The following FAM178B variants were observed in gnomAD, a reference collection of about 807,000 sequenced individuals.
FAM178B encodes the protein family with sequence similarity 178 member B, also known as protein FAM178B.
In FAM178B, 82 loss-of-function variants were observed where a neutral mutation model predicts 91.7. That is an observed-to-expected ratio of 0.89 (90% confidence interval 0.75 to 1.07). The LOEUF (loss-of-function observed/expected upper bound fraction) is 1.07, where lower values mean the gene tolerates loss of function less well. Ranked by LOEUF, FAM178B falls within the 50% of genes least tolerant of loss-of-function variation. The probability of loss-of-function intolerance (pLI) is 0.00; values close to 1 mark genes in which losing one functional copy is unlikely to be tolerated. For missense variants in FAM178B, 769 were observed against 846.7 expected, an observed-to-expected ratio of 0.91 and a Z score of 1.14; for synonymous variants, 368 against 359.4, an observed-to-expected ratio of 1.02 and a Z score of -0.27.
intron 10 of FAM178B, 115 bp from the exon 11 acceptor site, chr2:96,921,769 G>T: frequency 9.4e-7 from 1 of 1,058,212 alleles, no homozygotes; most frequent in Non-Finnish European, 1.4e-6. Context: ...TGAGCCCCGC[G>T]GCCATGTTGG....
chr2:96,981,898 C>G (rs542598021), intron 1 of FAM178B, among the ~76,000 whole-genome samples: 85 of 152,036 alleles, frequency 5.6e-4, no homozygotes, highest in African/African-American at 2.0e-3. Flanking sequence ...GAAACCCTGT[C>G]TCTACAAAAA....
intron 14 of FAM178B, among the ~76,000 whole-genome samples, chr2:96,885,602 T>G (rs1050870421): frequency 6.6e-6 from 1 of 152,170 alleles, no homozygotes; most frequent in African/African-American, 2.4e-5. Context: ...GTCTCCCCAT[T>G]CCTCCATCCG....
chr2:96,903,568 G>A (rs6733826), intron 12 of FAM178B, among the ~76,000 whole-genome samples: 8,771 of 152,292 alleles, frequency 0.058, 850 homozygotes, highest in African/African-American at 0.2. Context: ...TGAACTATCA[G>A]CAAAGTGCAG....
chr2:96,932,501 G>A (rs928482795), intron 8 of FAM178B, among the ~76,000 whole-genome samples: 18 of 152,240 alleles, frequency 1.2e-4, no homozygotes, highest in South Asian at 8.3e-4. Context: ...GTTTGTCCCC[G>A]ATGAGGGCTT....
chr2:96,888,294 C>T (rs1472817438), intron 14 of FAM178B, among the ~76,000 whole-genome samples: 1 of 152,236 alleles, frequency 6.6e-6, no homozygotes, highest in African/African-American at 2.4e-5. Flanking sequence ...CAAAACCAGT[C>T]GGTTTCCTCC....
Position 96,950,672 on chromosome 2 carries a change from C to G in FAM178B, c.993+707G>C, listed in dbSNP as rs2081909848. Reference sequence around the variant, plus strand: ...GCATTCAGATCACAGCGGTTGGCTCCTGTCCCTGCTGGCTTCTCACTGCCT... The same window carrying G: ...GCATTCAGATCACAGCGGTTGGCTCGTGTCCCTGCTGGCTTCTCACTGCCT... On this transcript the variant is annotated intron_variant, in intron 7 of 16. Coordinates refer to ENST00000490605, the MANE Select transcript of FAM178B (RefSeq NM_001122646.3). Among the ~76,000 whole-genome samples the G allele has an allele frequency of 2.6e-5, 4 of 152,218 alleles. No individual in the cohort carries two copies. In the South Asian group the frequency reaches 8.3e-4, roughly 32 times the overall value.
At chr2:96,914,955 C>A (rs2081217397) in intron 12 of FAM178B, among the ~76,000 whole-genome samples, 1 of 151,598 alleles carries the variant, frequency 6.6e-6, no homozygotes, top group South Asian at 2.1e-4. Flanking sequence ...TAATCATTTG[C>A]TCTGATTCAC....
At chr2:96,905,842 A>ATATATATGTGTGTGTGTG (rs2081032036) in intron 12 of FAM178B, among the ~76,000 whole-genome samples, 1 of 28,004 alleles carries the variant, frequency 3.6e-5, no homozygotes, top group Non-Finnish European at 8.7e-5. Flanking sequence ...ATATATATAT[A>ATATATATGTGTGTGTGTG]TATATATATA....
intron 12 of FAM178B, among the ~76,000 whole-genome samples, chr2:96,905,834 A>ACG (rs1288149803): frequency 3.5e-4 from 8 of 23,032 alleles, no homozygotes; most frequent in Non-Finnish European, 5.2e-4. Flanking sequence ...ATATATATAT[A>ACG]TATATATATA....
chr2:96,960,145 T>C (rs1396843618), intron 6 of FAM178B, 143 bp downstream of exon 6: 1 of 829,822 alleles, frequency 1.2e-6, no homozygotes, highest in Non-Finnish European at 1.8e-6. Flanking sequence ...ATGTCACCTA[T>C]ATCTCTAAAA....
intron 8 of FAM178B, among the ~76,000 whole-genome samples, chr2:96,935,480 T>TCC (rs576217376): frequency 1.5e-3 from 221 of 152,150 alleles, no homozygotes; most frequent in African/African-American, 5.2e-3. Context: ...GATACAGGGC[T>TCC]CCCTCAGCAC....
At chr2:96,928,053 C>T (rs1449387114) in intron 9 of FAM178B, among the ~76,000 whole-genome samples, 1 of 152,164 alleles carries the variant, frequency 6.6e-6, no homozygotes, top group African/African-American at 2.4e-5. Context: ...GTATTTATAG[C>T]AGAGCTGAGT....
At chr2:96,941,974 G>A (rs1314311341) in intron 8 of FAM178B, among the ~76,000 whole-genome samples, 5 of 152,068 alleles carry the variant, frequency 3.3e-5, no homozygotes, top group Admixed American at 6.6e-5. Context: ...GTTTGCCTTC[G>A]AAACCAAATT....
At chr2:96,930,210 C>CAAAAAAAAA (rs60102987) in intron 8 of FAM178B, among the ~76,000 whole-genome samples, 12 of 39,486 alleles carry the variant, frequency 3.0e-4, no homozygotes, top group African/African-American at 1.5e-3. Flanking sequence ...TCCGTCTCTC[C>CAAAAAAAAA]AAAAAAAAAA....
At position 96,947,831 on chromosome 2, in the gene FAM178B, GATTCCATCCACA is replaced by G; in HGVS notation, c.1053_1064del (p.Val352_Ile355del). On this transcript the variant is annotated inframe_deletion, in exon 8 of 17. Transcript: ENST00000490605. ...CCCAGTACTGACCAGGCTGAAGGAA[GATTCCATCCACA>G]ATGAGATCCCACAGAAGACCAAAGG... is the stretch of plus-strand genomic sequence containing the variant. 1 of 1,543,730 alleles carries G rather than the reference GATTCCATCCACA, an allele frequency of 6.5e-7. No individual in the cohort carries two copies. The highest frequency in any genetic ancestry group is 8.8e-7 in the Non-Finnish European group (1 of 1,139,984).
chr2:96,970,729 G>C lies in FAM178B; in HGVS notation c.613C>G (p.Leu205Val). 1 of 1,551,278 alleles carries C rather than the reference G, an allele frequency of 6.4e-7. No individual in the cohort carries two copies. Among genetic ancestry groups the C allele is most frequent in the South Asian group, 1.2e-5 (1 of 84,042 alleles). Residue 205 changes from leucine (L) to valine (V), a missense_variant, in exon 4 of 17, where the codon CTG becomes GTG. Physicochemically the swap from Leu to Val is conservative, Grantham distance 32. Transcript: ENST00000490605. The part of the protein sequence containing the change: ...GSYFNNLDYL[L>V]QEKREQALEQ... ...CCCTGTGCTCACCTCTTCTCCTGCA[G>C]TAAGTAGTCCAGGTTGTTGAAGTAG...
chr2:96,933,191 C>T (rs533569351), intron 8 of FAM178B, among the ~76,000 whole-genome samples: 18 of 151,074 alleles, frequency 1.2e-4, no homozygotes, highest in Non-Finnish European at 2.4e-4. Context: ...TGCAGTTAGC[C>T]GAGATCGCGC....
chr2:96,888,695 A>G (rs1019456991), intron 14 of FAM178B, among the ~76,000 whole-genome samples: 1 of 152,278 alleles, frequency 6.6e-6, no homozygotes, highest in African/African-American at 2.4e-5. Context: ...TGCCAACTCT[A>G]TCAACACACG....
Position 96,986,288 on chromosome 2 carries a change from C to T in FAM178B, c.26G>A (p.Gly9Asp), listed in dbSNP as rs2153376810. The T allele has an allele frequency of 1.3e-6, 2 of 1,534,382 alleles. No individual in the cohort carries two copies. The highest frequency in any genetic ancestry group is 4.9e-5 in the East Asian group (2 of 40,902). Residue 9 changes from glycine to aspartate, a missense_variant, in exon 1 of 17, where the codon GGC (glycine) becomes GAC (aspartate). Transcript: ENST00000490605. MWPRLPGA[G>D]LAPQLRRQDQ... ...CTGCCTCCTGAGTTGTGGAGCGAGG[C>T]CCGCACCTGGAAGCCTTGGCCACAT...
Sources: gnomAD v4.1 joint callset for allele counts (sites outside exome capture counted in the v4.1 genomes callset) on GRCh38, gnomAD v4.1.1 for gene constraint, MANE v1.5 for transcripts, NCBI Gene and HGNC (gene_info 2026-07-23, HGNC 2026-07-21) for gene names.